HSPG2: variants seen among roughly 807,000 people sequenced by gnomAD.
HSPG2 encodes the protein basement membrane-specific heparan sulfate proteoglycan core protein.
In HSPG2, 278 loss-of-function variants were observed where a neutral mutation model predicts 526.6. The ratio of observed to expected loss-of-function variants is 0.53; its 90% CI spans 0.48 to 0.58. The LOEUF is 0.58. HSPG2 is among the 20% of genes least tolerant of loss of function. The pLI is 0.00. For synonymous variants in HSPG2, 2,465 were observed against 2,555.4 expected (o/e 0.96, Z 1.07); for missense variants, 5,354 against 6,099.5 (o/e 0.88, Z 4.07).
rs918047257 is a variant in HSPG2 at position 21,822,343 on chromosome 1, G to C, written c.*973C>G. 5 of 914,844 alleles carry C rather than the reference G, an allele frequency of 5.5e-6. No individual in the cohort carries two copies. In the African/African-American group the frequency reaches 6.6e-5, roughly 12 times the overall value. The allele number at this position is 914,844 out of a possible 1,614,324, so 56.7% of individuals were successfully genotyped here. A position where few individuals can be genotyped will look rare whatever the true frequency, so the allele number is the denominator to read the frequency against. On this transcript the variant is annotated 3_prime_UTR_variant, in exon 97 of 97. Coordinates refer to ENST00000374695, the MANE Select transcript of HSPG2 (RefSeq NM_005529.7). ...CCAGGCGTCCCAACCCCACAGTCTG[G>C]GGGCCACTGGCAGGATGGCACTTGA...
chr1:21,887,634 A>C lies in HSPG2; in HGVS notation c.744T>G (p.Leu248=), dbSNP rs2229478. ...VLGISPTFSL[L]VETTSLPPRP... ...GGGGCGGTAAAGATGTCGTCTCCAC[A>C]AGGAGAGAGAATGTGGGGCTGATAC... Residue 248 remains leucine, a synonymous_variant, in exon 8 of 97, where the codon CTT becomes CTG. Coordinates refer to ENST00000374695, the MANE Select transcript of HSPG2 (RefSeq NM_005529.7). This position sits in a 1 kb window ranked among gnomAD's most constrained non-coding sequence, Gnocchi z 5.0. The C allele has an allele frequency of 8.1e-6, 13 of 1,613,552 alleles. No homozygotes were observed. The highest frequency in any genetic ancestry group is 1.3e-5 in the African/African-American group (1 of 74,792).
In HSPG2 at chr1:21,828,763, C is replaced by G; in HGVS notation, c.12237+72G>C. ...GGTGGAGGGGCCCAATGCCAAGGTG[C>G]TTGGAGAGCCGAGGGGGACACAAGG... On this transcript the variant is annotated intron_variant, in intron 88 of 96. Transcript: ENST00000374695. This position sits in a 1 kb window ranked among gnomAD's most constrained non-coding sequence, Gnocchi z 6.0. 1.3e-6 allele frequency: 2 copies of G among 1,546,522 alleles called. No homozygotes were observed. The highest frequency in any genetic ancestry group is 1.7e-6 in the Non-Finnish European group (2 of 1,145,776).
Position 21,884,748 on chromosome 1 carries a change from A to C in HSPG2, c.1507+19T>G. ...CGGCTCTGCCCCCACACCCGGTGAC[A>C]CCTGCCCTCCGGCAGTACCTCGTTG... is the stretch of plus-strand genomic sequence containing the variant. On this transcript the variant is annotated intron_variant, in intron 12 of 96. Transcript: ENST00000374695. 1 of 1,612,924 alleles carries C rather than the reference A, an allele frequency of 6.2e-7. No individual in the cohort carries two copies. Among genetic ancestry groups the C allele is most frequent in the South Asian group, 1.1e-5 (1 of 91,066 alleles).
rs1357780993 is a variant in HSPG2, at chr1:21,860,181, T to C, written c.5010A>G (p.Pro1670=). The change falls in exon 40 of 97, where the codon CCA becomes CCG. Residue 1670 remains proline, a synonymous_variant. Coordinates refer to ENST00000374695, the MANE Select transcript of HSPG2 (RefSeq NM_005529.7). ...CTGGGCCATGGTCCCACTTACTCTC[T>C]GGCAGGCACTGGCCCCCTTGCACAC... ...NPSVQGGQCL[P]ETNQAPLVVE... 2 of 1,613,688 alleles carry C rather than the reference T, an allele frequency of 1.2e-6. No individual in the cohort carries two copies. Among genetic ancestry groups the C allele is most frequent in the Non-Finnish European group, 1.7e-6 (2 of 1,179,924 alleles).
rs112027944 is a variant in HSPG2, at chr1:21,835,436, A to C, written c.10453+104T>G. On this transcript the variant is annotated intron_variant, in intron 76 of 96. Transcript: ENST00000374695. ...ATGGAATAATTCTCTTTATTCTGAC[A>C]CATTTAGGGGGATTCCTAGGGAACA... The C allele has an allele frequency of 1.8e-4, 143 of 782,586 alleles. No homozygotes were observed. In the East Asian group the frequency reaches 3.1e-3, roughly 17 times the overall value. The allele number at this position is 782,586 out of a possible 1,614,324, so 48.5% of individuals were successfully genotyped here.
intron 1 of HSPG2, among the ~76,000 whole-genome samples, chr1:21,917,256 G>A (rs1259024281): frequency 1.3e-5 from 2 of 151,702 alleles, no homozygotes; most frequent in Non-Finnish European, 2.9e-5. Context: ...AACATGGCGA[G>A]ACCCCGTCTC....
intron 77 of HSPG2, 55 bp downstream of exon 77, chr1:21,834,621 CAGG>C: frequency 1.3e-6 from 2 of 1,596,504 alleles, no homozygotes; most frequent in Admixed American, 1.7e-5. Context: ...AAGATGGCAG[CAGG>C]AGAAGCCCCT....
At position 21,890,677 on chromosome 1, in the gene HSPG2, C is replaced by G. The variant is rs1642292808; in HGVS notation, c.262G>C (p.Val88Leu). ...DFQMVYFRALVNFTRSIEYSP... is the reference protein window; with the variant it reads ...DFQMVYFRALLNFTRSIEYSP... ...TACTCGATGGAGCGAGTGAAATTCA[C>G]CAGGGCTCGGAAATAAACTGGAAAA... Residue 88 changes from valine (V) to leucine (L), a missense_variant, in exon 4 of 97, where the codon GTG (valine) becomes CTG (leucine). Physicochemically the swap from Val to Leu is conservative, Grantham distance 32. Transcript: ENST00000374695. The surrounding 1 kb of genome is among the most constrained non-coding windows in gnomAD (Gnocchi z 4.1). 6.2e-7 allele frequency: 1 copy of G among 1,613,606 alleles called. No individual in the cohort carries two copies. Among genetic ancestry groups the G allele is most frequent in the Non-Finnish European group, 8.5e-7 (1 of 1,179,570 alleles).
chr1:21,831,111 G>A (rs2098001893), intron 84 of HSPG2, 21 bp from the exon 85 acceptor site: 3 of 1,608,938 alleles, frequency 1.9e-6, no homozygotes, highest in Non-Finnish European at 2.6e-6. Flanking sequence ...GCCCCCAGAA[G>A]TAAGGCCGAG....
intron 33 of HSPG2, among the ~76,000 whole-genome samples, chr1:21,871,315 A>G (rs369772056): frequency 7.0e-5 from 10 of 143,176 alleles, no homozygotes; most frequent in East Asian, 6.3e-4. Flanking sequence ...GCTGGAGTGC[A>G]ATGGTGCAAT....
In HSPG2 at chr1:21,829,545, G is replaced by A. The variant is rs113130096; in HGVS notation, c.11830C>T (p.Leu3944Phe). The change falls in exon 87 of 97, where the codon CTC becomes TTC. Residue 3944 changes from leucine to phenylalanine, a missense_variant. By Grantham distance (22) the Leu-to-Phe change is conservative. Coordinates refer to ENST00000374695, the MANE Select transcript of HSPG2 (RefSeq NM_005529.7). ...CGTAGCTCGTGGTGTGTGTTGGTGAGGGCGGGCAGTGCCAGGTAGGAGCCA... is the reference window on the plus strand; with the variant it reads ...CGTAGCTCGTGGTGTGTGTTGGTGAAGGCGGGCAGTGCCAGGTAGGAGCCA... ...GAGSYLALPA[L>F]TNTHHELRLD... The A allele has an allele frequency of 6.2e-7, 1 of 1,612,416 alleles. No homozygotes were observed.
chr1:21,842,220 T>G lies in HSPG2; in HGVS notation c.9052+19A>C. 6.2e-7 allele frequency: 1 copy of G among 1,613,166 alleles called. No homozygotes were observed. Among genetic ancestry groups the G allele is most frequent in the Non-Finnish European group, 8.5e-7 (1 of 1,179,610 alleles). On this transcript the variant is annotated intron_variant, in intron 68 of 96. Coordinates refer to ENST00000374695, the MANE Select transcript of HSPG2 (RefSeq NM_005529.7). ...GGGCCCTCCCTTCCCCCCTTGCCCA[T>G]GGCATCTGCCATACTCACGGTAGGA...
At position 21,887,100 on chromosome 1, in the gene HSPG2, G is replaced by T; in HGVS notation, c.1078+115C>A. ...AGCAAACAAACAGGCTTGGGGGACT[G>T]GGGAGGGGGGAAAGCGGAGGGGCAG... is the stretch of plus-strand genomic sequence containing the variant. On this transcript the variant is annotated intron_variant, in intron 9 of 96. Coordinates refer to ENST00000374695, the MANE Select transcript of HSPG2 (RefSeq NM_005529.7). The surrounding 1 kb of genome is among the most constrained non-coding windows in gnomAD (Gnocchi z 5.0). 9.1e-7 allele frequency: 1 copy of T among 1,094,770 alleles called. No homozygotes were observed. The highest frequency in any genetic ancestry group is 1.3e-6 in the Non-Finnish European group (1 of 750,438). The allele number at this position is 1,094,770 out of a possible 1,614,324, so 67.8% of individuals were successfully genotyped here. A position where few individuals can be genotyped will look rare whatever the true frequency, so the allele number is the denominator to read the frequency against.
Position 21,851,674 on chromosome 1 carries a change from G to C in HSPG2, c.7030C>G (p.Arg2344Gly), listed in dbSNP as rs752260236. Residue 2344 changes from arginine (R) to glycine (G), a missense_variant, in exon 55 of 97, where the codon CGC becomes GGC. By Grantham distance (125) the Arg-to-Gly change is moderately radical (BLOSUM62 -2). Coordinates refer to ENST00000374695, the MANE Select transcript of HSPG2 (RefSeq NM_005529.7). ...ACTTGCGAGGAGGAGGGCTCGATGC[G>C]GATGGGCTGGGTGCTGCCGGCAGCT... ...AYPAGSTQPI[R>G]IEPSSSQVAE... is the part of the protein sequence containing the mutation. 1.9e-6 allele frequency: 3 copies of C among 1,613,864 alleles called. No individual in the cohort carries two copies. Among genetic ancestry groups the C allele is most frequent in the Non-Finnish European group, 2.5e-6 (3 of 1,180,014 alleles).
At chr1:21,909,447 TGACCA>T (rs1643549198) in intron 1 of HSPG2, among the ~76,000 whole-genome samples, 1 of 152,164 alleles carries the variant, frequency 6.6e-6, no homozygotes, top group Non-Finnish European at 1.5e-5. Flanking sequence ...GAAGGAAACC[TGACCA>T]GTCCCTAGAT....
rs1208756496 is a variant in HSPG2 at position 21,859,105 on chromosome 1, T to G, written c.5293+461A>C. ...CTCTGTTGCCCAGGCTGGAGTGCAG[T>G]GGCGCAATCTTGGCTCACTGCAACC... is the stretch of plus-strand genomic sequence containing the variant. On this transcript the variant is annotated intron_variant, in intron 42 of 96. Transcript: ENST00000374695. This position sits in a 1 kb window ranked among gnomAD's most constrained non-coding sequence, Gnocchi z 5.3. Among the ~76,000 whole-genome samples the G allele has an allele frequency of 6.6e-6, 1 of 152,050 alleles. No homozygotes were observed. Among genetic ancestry groups the G allele is most frequent in the Admixed American group, 6.6e-5 (1 of 15,264 alleles).
At chr1:21,874,043 C>T (rs777394200) in intron 28 of HSPG2, 32 bp from the exon 29 acceptor site, 15 of 1,551,054 alleles carry the variant, frequency 9.7e-6, no homozygotes, top group African/African-American at 4.1e-5. Flanking sequence ...TAGTCAGGAA[C>T]GCAGTGGCTC....
At chr1:21,855,189 G>C (rs1639235982) in intron 47 of HSPG2, 115 bp downstream of exon 47, 1 of 1,427,474 alleles carries the variant, frequency 7.0e-7, no homozygotes, top group African/African-American at 1.5e-5. Context: ...CATCTTGGAG[G>C]TGAAGGGAGC....
In HSPG2 at chr1:21,834,700, G is replaced by A. The variant is rs1316381877; in HGVS notation, c.10699C>T (p.His3567Tyr). The part of the protein sequence containing the change: ...ATNAAGTTQS[H>Y]VLLLVQALPQ... ...TCACCTTGCACAAGCAGCAGGACGT[G>A]GGATTGTGTGGTGCCAGCTGCGTTG... Residue 3567 changes from histidine to tyrosine, a missense_variant, in exon 77 of 97, where the codon CAC becomes TAC. Physicochemically the swap from His to Tyr is moderately conservative, Grantham distance 83 (BLOSUM62 2). Transcript: ENST00000374695. The A allele has an allele frequency of 6.2e-7, 1 of 1,614,046 alleles. No individual in the cohort carries two copies. The highest frequency in any genetic ancestry group is 8.5e-7 in the Non-Finnish European group (1 of 1,180,044).
Sources: gnomAD v4.1 joint callset for allele counts (sites outside exome capture counted in the v4.1 genomes callset) on GRCh38, gnomAD v4.1.1 for gene constraint, Gnocchi (gnomAD v3.1) non-coding constraint, MANE v1.5 for transcripts, NCBI Gene and HGNC (gene_info 2026-07-23, HGNC 2026-07-21) for gene names.